NOL4: variants seen among roughly 807,000 people sequenced by gnomAD.
NOL4 encodes the protein cancer/testis antigen 125.
A neutral mutation model predicts 75.9 loss-of-function variants in NOL4; 17 were observed. That is an observed-to-expected ratio of 0.22 (90% confidence interval 0.15 to 0.34). NOL4 has a LOEUF of 0.34. Ranked by LOEUF, NOL4 falls within the 10% of genes least tolerant of loss-of-function variation. NOL4 has a pLI of 1.00. For synonymous variants in NOL4, 292 were observed against 289.9 expected (o/e 1.01, Z -0.07); for missense variants, 614 against 793.5 (o/e 0.77, Z 2.72).
At chr18:34,051,899 A>C (rs1466643899) in intron 5 of NOL4, among the ~76,000 whole-genome samples, 1 of 151,958 alleles carries the variant, frequency 6.6e-6, no homozygotes, top group Non-Finnish European at 1.5e-5. Context: ...ATAGGGATAA[A>C]ATTTTAATTT....
At chr18:34,026,914 T>C (rs1210247329) in intron 5 of NOL4, among the ~76,000 whole-genome samples, 2 of 152,284 alleles carry the variant, frequency 1.3e-5, no homozygotes, top group Middle Eastern at 3.4e-3. Flanking sequence ...TCCATCTAAA[T>C]TCTACTAGTA....
intron 9 of NOL4, among the ~76,000 whole-genome samples, chr18:33,918,086 G>A (rs534969574): frequency 2.0e-5 from 3 of 152,074 alleles, no homozygotes; most frequent in Non-Finnish European, 4.4e-5. Context: ...CATGAATAAC[G>A]TGTTTACCTA....
chr18:34,015,563 G>A lies in NOL4; in HGVS notation c.1056+3755C>T, dbSNP rs980337810. ...TCCTTTTATATCACTTGTTCCTAAT[G>A]GATTGATATTCTGCGAGGTGACATA... On this transcript the variant is annotated intron_variant, in intron 6 of 10. Transcript: ENST00000261592. Among the ~76,000 whole-genome samples the A allele has an allele frequency of 2.8e-4, 42 of 151,954 alleles. 1 individual carries two copies. Among genetic ancestry groups the A allele is most frequent in the African/African-American group, 7.5e-4 (31 of 41,488 alleles).
At chr18:34,013,748 A>C (rs1281935156) in intron 6 of NOL4, among the ~76,000 whole-genome samples, 2 of 151,956 alleles carry the variant, frequency 1.3e-5, no homozygotes, top group African/African-American at 4.8e-5. Context: ...GTATTATAAT[A>C]CACTCATTTA....
intron 1 of NOL4, among the ~76,000 whole-genome samples, chr18:34,161,831 T>G (rs1568407618): frequency 6.6e-6 from 1 of 152,182 alleles, no homozygotes. Context: ...AATTTAGATA[T>G]GTTCTGGTGT....
chr18:34,089,090 C>A (rs2078383044), intron 5 of NOL4, among the ~76,000 whole-genome samples: 1 of 151,858 alleles, frequency 6.6e-6, no homozygotes, highest in African/African-American at 2.4e-5. Flanking sequence ...GAATACTTTT[C>A]AAATTTTCTA....
At chr18:33,861,377 C>T (rs1011019906) in intron 10 of NOL4, among the ~76,000 whole-genome samples, 4 of 152,132 alleles carry the variant, frequency 2.6e-5, no homozygotes, top group Non-Finnish European at 5.9e-5. Context: ...GTGTATGCGT[C>T]AAGGAATTTA....
chr18:33,880,620 C>G (rs550178396), intron 10 of NOL4, among the ~76,000 whole-genome samples: 1 of 152,088 alleles, frequency 6.6e-6, no homozygotes, highest in Admixed American at 6.6e-5. Flanking sequence ...GAGACCCATG[C>G]GTCCTTTCCA....
chr18:34,193,206 G>T (rs957303556), intron 1 of NOL4, among the ~76,000 whole-genome samples: 10 of 152,046 alleles, frequency 6.6e-5, no homozygotes, highest in Non-Finnish European at 1.0e-4. Flanking sequence ...TCTGGACAAT[G>T]ATTTTTTGAT....
chr18:34,077,675 TA>T (rs1568312470), intron 5 of NOL4, among the ~76,000 whole-genome samples: 1 of 151,950 alleles, frequency 6.6e-6, no homozygotes, highest in Non-Finnish European at 1.5e-5. Flanking sequence ...AAAAAATACA[TA>T]AAACAAAGAA....
At chr18:34,024,192 A>ATATATATATATATATATATATATATATAT (rs1215950663) in intron 5 of NOL4, among the ~76,000 whole-genome samples, 49 of 76,106 alleles carry the variant, frequency 6.4e-4, no homozygotes, top group African/African-American at 8.3e-4. Flanking sequence ...AAAAAAAAAA[A>ATATATATATATATATATATATATATATAT]AAATATATAT....
Position 34,223,961 on chromosome 18 carries a change from A to AT in NOL4, c.-709dup, listed in dbSNP as rs1274108362. 1 of 152,248 alleles carries AT rather than the reference A, an allele frequency of 6.6e-6. No individual in the cohort carries two copies. Among genetic ancestry groups the AT allele is most frequent in the Non-Finnish European group, 1.5e-5 (1 of 68,040 alleles). 9.4% of individuals were successfully genotyped at this position (152,248 alleles called of 1,614,324 possible). On this transcript the variant is annotated 5_prime_UTR_variant, in exon 1 of 11. Coordinates refer to ENST00000261592, the MANE Select transcript of NOL4 (RefSeq NM_003787.5). ...GTTTTACAGAATTTTTTATCAAGAT[A>AT]TTTTTTAAAACGGTTTAAAATGTCA...
chr18:34,192,131 A>G (rs906788304), intron 1 of NOL4, among the ~76,000 whole-genome samples: 8 of 152,174 alleles, frequency 5.3e-5, no homozygotes, highest in African/African-American at 1.9e-4. Context: ...CTTTATTGGT[A>G]TCTGCAAAAT....
chr18:33,869,989 C>T (rs1015291654), intron 10 of NOL4, among the ~76,000 whole-genome samples: 2 of 152,044 alleles, frequency 1.3e-5, no homozygotes, highest in Non-Finnish European at 2.9e-5. Flanking sequence ...CTCCTCATTT[C>T]TCACCTTTGT....
At position 33,852,283 on chromosome 18, in the gene NOL4, T is replaced by C. The variant is rs1252734655; in HGVS notation, c.*559A>G. On this transcript the variant is annotated 3_prime_UTR_variant, in exon 11 of 11. Coordinates refer to ENST00000261592, the MANE Select transcript of NOL4 (RefSeq NM_003787.5). ...GTAGTTTCTCAAAACAGTTTTCTTTTAGGACCTATGAAAAAGTTACCAAAG... is the reference window on the plus strand; with the variant it reads ...GTAGTTTCTCAAAACAGTTTTCTTTCAGGACCTATGAAAAAGTTACCAAAG... The C allele has an allele frequency of 6.6e-6, 1 of 152,502 alleles. No homozygotes were observed. The highest frequency in any genetic ancestry group is 1.5e-5 in the Non-Finnish European group (1 of 67,998). The allele number at this position is 152,502 out of a possible 1,614,324, so 9.4% of individuals were successfully genotyped here. A position where few individuals can be genotyped will look rare whatever the true frequency, so the allele number is the denominator to read the frequency against.
chr18:33,865,438 G>T (rs548910404), intron 10 of NOL4, among the ~76,000 whole-genome samples: 1 of 151,690 alleles, frequency 6.6e-6, no homozygotes, highest in Non-Finnish European at 1.5e-5. Context: ...TTGATCTGCC[G>T]TTGGTTCAGT....
chr18:34,071,593 T>C (rs549987571), intron 5 of NOL4, among the ~76,000 whole-genome samples: 48 of 152,296 alleles, frequency 3.2e-4, no homozygotes, highest in African/African-American at 1.1e-3. Flanking sequence ...TTTTTAACTT[T>C]CAGTAGATTA....
chr18:34,103,949 A>G lies in NOL4; in HGVS notation c.639+98T>C, dbSNP rs2079152551. 1.1e-5 allele frequency: 9 copies of G among 787,360 alleles called. No individual in the cohort carries two copies. In the East Asian group the frequency reaches 2.0e-4, roughly 18 times the overall value. 48.8% of individuals were successfully genotyped at this position (787,360 alleles called of 1,614,324 possible). ...AGATTCATTCATTAAAAAATAAATT[A>G]CTGTCTTCAAAATGCCATCATGCTT... On this transcript the variant is annotated intron_variant, in intron 4 of 10. Coordinates refer to ENST00000261592, the MANE Select transcript of NOL4 (RefSeq NM_003787.5).
At chr18:33,934,279 TTCATGA>T (rs1159918857) in intron 9 of NOL4, among the ~76,000 whole-genome samples, 2 of 152,106 alleles carry the variant, frequency 1.3e-5, no homozygotes, top group Non-Finnish European at 2.9e-5. Context: ...AGAGTAGATT[TTCATGA>T]AATTCTTAAG....
Sources: allele counts gnomAD v4.1 joint callset (sites outside exome capture counted in the v4.1 genomes callset), GRCh38; gene constraint gnomAD v4.1.1; transcripts MANE v1.5; gene names NCBI Gene and HGNC (gene_info 2026-07-23, HGNC 2026-07-21).